The following DSE variants were observed in gnomAD, a reference collection of about 807,000 sequenced individuals.
DSE encodes dermatan sulfate epimerase, also known as dermatan-sulfate epimerase.
Under a neutral mutation model 84.4 loss-of-function variants are expected in DSE, and 36 were observed. The ratio of observed to expected loss-of-function variants is 0.43; its 90% CI spans 0.33 to 0.56. The LOEUF (loss-of-function observed/expected upper bound fraction) is 0.56, where lower values mean the gene tolerates loss of function less well. Ranked by LOEUF, DSE falls within the 20% of genes least tolerant of loss-of-function variation. The pLI is 0.06. For synonymous variants in DSE, 410 were observed against 430.1 expected (o/e 0.95, Z 0.58); for missense variants, 862 against 1,169.6 (o/e 0.74, Z 3.84).
exon 2 of DSE, chr6:116,258,930 G>T: frequency 1.3e-6 from 2 of 1,562,264 alleles, no homozygotes; most frequent in Non-Finnish European, 1.8e-6. Flanking sequence ...ACTGAGCTTT[G>T]TGGAAGCATT....
upstream of DSE, chr6:116,370,000 G>A (rs1779411174): frequency 2.4e-6 from 3 of 1,252,758 alleles, no homozygotes; most frequent in African/African-American, 1.5e-5. Context: ...CTGGGTGGAG[G>A]TGGAAGGGGC....
Position 116,440,250 on chromosome 6 carries a change from T to C in DSE, c.*2905T>C, listed in dbSNP as rs1239700076. Reference sequence around the variant, plus strand: ...CAGAATGTTTTGCATACTGAATAATTTGTTTTTGAAAAGGAAAATTTACAT... The same window carrying C: ...CAGAATGTTTTGCATACTGAATAATCTGTTTTTGAAAAGGAAAATTTACAT... On this transcript the variant is annotated 3_prime_UTR_variant, in exon 6 of 6. Coordinates refer to ENST00000644252, the MANE Select transcript of DSE (RefSeq NM_013352.4). 1 of 152,220 alleles carries C rather than the reference T, an allele frequency of 6.6e-6. No individual in the cohort carries two copies. Among genetic ancestry groups the C allele is most frequent in the African/African-American group, 2.4e-5 (1 of 41,456 alleles). 9.4% of individuals were successfully genotyped at this position (152,220 alleles called of 1,614,324 possible). A position where few individuals can be genotyped will look rare whatever the true frequency, so the allele number is the denominator to read the frequency against.
intron 2 of DSE, among the ~76,000 whole-genome samples, chr6:116,409,558 C>T (rs561188548): frequency 6.6e-6 from 1 of 152,178 alleles, no homozygotes; most frequent in Non-Finnish European, 1.5e-5. Flanking sequence ...GGATTACAGG[C>T]GTGAGCCAAC....
intron 2 of DSE, among the ~76,000 whole-genome samples, chr6:116,423,732 A>G (rs1440037672): frequency 6.6e-6 from 1 of 152,220 alleles, no homozygotes; most frequent in Non-Finnish European, 1.5e-5. Flanking sequence ...TGACTGTAAA[A>G]TATAGTCTCT....
At position 116,279,897 on chromosome 6, in the gene DSE, C is replaced by T. The variant is rs969254877; in HGVS notation, c.-54+20930C>T. ...CCTCAGAGGCCGAACTGGGAGCTAA[C>T]CGCCGCTCGCACCGCCCACCCTACA... On this transcript the variant is annotated intron_variant, in intron 2 of 3. Coordinates refer to the DSE transcript ENST00000430252. 1.5e-5 allele frequency: 24 copies of T among 1,606,306 alleles called. No individual in the cohort carries two copies. In the South Asian group the frequency reaches 1.9e-4, roughly 13 times the overall value.
At chr6:116,269,344 T>G (rs1772778981) in intron 2 of DSE, among the ~76,000 whole-genome samples, 1 of 152,242 alleles carries the variant, frequency 6.6e-6, no homozygotes, top group Non-Finnish European at 1.5e-5. Flanking sequence ...AAATAGAAGC[T>G]GACTTGCTCA....
At chr6:116,319,311 T>G (rs1776164864) in intron 2 of DSE, among the ~76,000 whole-genome samples, 1 of 152,240 alleles carries the variant, frequency 6.6e-6, no homozygotes, top group Non-Finnish European at 1.5e-5. Flanking sequence ...AGCTTATTTT[T>G]AGCTAATTAT....
intron 2 of DSE, among the ~76,000 whole-genome samples, chr6:116,317,506 CA>C (rs1349823480): frequency 1.3e-5 from 2 of 152,184 alleles, no homozygotes; most frequent in African/African-American, 4.8e-5. Flanking sequence ...CTCTCTAACC[CA>C]TGTGGATAAT....
rs1335646497 is a variant in DSE, at chr6:116,444,291, A to G, written c.*6946A>G. 1.3e-5 allele frequency: 2 copies of G among 152,208 alleles called. No homozygotes were observed. Among genetic ancestry groups the G allele is most frequent in the Non-Finnish European group, 2.9e-5 (2 of 68,032 alleles). 9.4% of individuals were successfully genotyped at this position (152,208 alleles called of 1,614,324 possible). On this transcript the variant is annotated 3_prime_UTR_variant, in exon 6 of 6. Transcript: ENST00000644252. ...ATTGCTATTACTGAACACTGCCCTT[A>G]GGTGGCTCACTCTTAGAAGACACAA... is the stretch of plus-strand genomic sequence containing the variant.
At chr6:116,278,613 T>C (rs1044994210) in intron 2 of DSE, 6 of 1,614,044 alleles carry the variant, frequency 3.7e-6, no homozygotes, top group Admixed American at 1.7e-5. Context: ...ACAGGTAGTA[T>C]TGCAGTGGAT....
At chr6:116,383,828 C>T (rs1466180187) in intron 1 of DSE, among the ~76,000 whole-genome samples, 1 of 152,170 alleles carries the variant, frequency 6.6e-6, no homozygotes, top group Non-Finnish European at 1.5e-5. Context: ...TCTTGTTCTA[C>T]ATAATATATG....
In DSE at chr6:116,373,642, G is replaced by T. The variant is rs1178333250; in HGVS notation, c.-54+2521G>T. 7.9e-5 allele frequency among the ~76,000 whole-genome samples: 12 copies of T among 152,302 alleles called. No individual in the cohort carries two copies. The East Asian group carries it at 2.3e-3, about 29-fold the overall frequency. The stretch of plus-strand genomic sequence containing the variant: ...TTCAATGAGATTTTATGGGCTGTCC[G>T]GTTCAATATCTCGCAGTGCTGCCCT... On this transcript the variant is annotated intron_variant, in intron 1 of 5. Transcript: ENST00000644252.
At chr6:116,261,585 T>C (rs1204855) in intron 2 of DSE, among the ~76,000 whole-genome samples, 3,327 of 152,226 alleles carry the variant, frequency 0.022, 133 homozygotes, top group African/African-American at 0.077. Context: ...TTGGATGCAC[T>C]TTCTTTCTTT....
intron 1 of DSE, among the ~76,000 whole-genome samples, chr6:116,388,470 A>G (rs914709159): frequency 6.6e-6 from 1 of 152,216 alleles, no homozygotes; most frequent in African/African-American, 2.4e-5. Context: ...GATTCTGTCA[A>G]GTTGACACAA....
intron 3 of DSE, among the ~76,000 whole-genome samples, chr6:116,429,438 T>C (rs907895168): frequency 6.6e-5 from 10 of 152,288 alleles, no homozygotes; most frequent in African/African-American, 2.2e-4. Flanking sequence ...CCAGGAGGCA[T>C]TGGGCTTAAT....
intron 2 of DSE, among the ~76,000 whole-genome samples, chr6:116,411,868 C>G (rs1183730827): frequency 1.3e-5 from 2 of 152,204 alleles, no homozygotes; most frequent in African/African-American, 2.4e-5. Context: ...TGATTACATT[C>G]AGCATTTGGG....
intron 2 of DSE, among the ~76,000 whole-genome samples, chr6:116,280,833 C>A (rs1773481768): frequency 6.6e-6 from 1 of 152,156 alleles, no homozygotes; most frequent in Non-Finnish European, 1.5e-5. Context: ...TTAAAATGGA[C>A]AACTAAGATG....
At position 116,426,624 on chromosome 6, in the gene DSE, T is replaced by C; in HGVS notation, c.467T>C (p.Val156Ala). ...WDEVPLAHSL[V>A]GFATAYDFLY... ...GAGGTCCCGCTTGCTCACTCCCTGG[T>C]TGGTTTTGCCACTGCTTATGACTTC... The change falls in exon 3 of 6, where the codon GTT (valine) becomes GCT (alanine). Residue 156 changes from valine to alanine, a missense_variant. Val to Ala is a moderately conservative substitution (Grantham distance 64). This residue lies in a region of DSE where 309 missense variants were observed against 516.9 expected (regional missense o/e 0.60). Coordinates refer to ENST00000644252, the MANE Select transcript of DSE (RefSeq NM_013352.4). 1 of 1,613,988 alleles carries C rather than the reference T, an allele frequency of 6.2e-7. No homozygotes were observed. Among genetic ancestry groups the C allele is most frequent in the Non-Finnish European group, 8.5e-7 (1 of 1,179,880 alleles).
upstream of DSE, among the ~76,000 whole-genome samples, chr6:116,368,495 A>G (rs1779295682): frequency 1.3e-5 from 2 of 152,208 alleles, no homozygotes; most frequent in African/African-American, 4.8e-5. Flanking sequence ...AATTCAGTAG[A>G]ATCACAGGTA....
Sources: allele counts gnomAD v4.1 joint callset (sites outside exome capture counted in the v4.1 genomes callset), GRCh38; gene constraint gnomAD v4.1.1; regional missense constraint gnomAD v4.1.1; transcripts MANE v1.5; gene names NCBI Gene and HGNC (gene_info 2026-07-23, HGNC 2026-07-21).